The following ASTN2 variants were observed in gnomAD, a reference collection of about 807,000 sequenced individuals.
ASTN2 encodes astrotactin 2, also known as astrotactin-2.
Under a neutral mutation model 139.8 loss-of-function variants are expected in ASTN2, and 54 were observed. The ratio of observed to expected loss-of-function variants is 0.39; its 90% confidence interval spans 0.31 to 0.48. The LOEUF is 0.48. Among genes scored for constraint, ASTN2 ranks in the 20% least tolerant of loss-of-function variants. ASTN2 has a pLI of 0.95. For missense variants in ASTN2, 1,565 were observed against 1,725.1 expected, an observed-to-expected ratio of 0.91 and a Z score of 1.64; for synonymous variants, 756 against 719.5, an observed-to-expected ratio of 1.05 and a Z score of -0.81.
At chr9:116,723,287 G>A (rs1037573063) in intron 16 of ASTN2, among the ~76,000 whole-genome samples, 3 of 152,064 alleles carry the variant, frequency 2.0e-5, no homozygotes, top group African/African-American at 7.2e-5. Flanking sequence ...TACCTACTAT[G>A]TACCAGACAT....
intron 1 of ASTN2, among the ~76,000 whole-genome samples, chr9:117,314,893 A>C (rs913445932): frequency 1.4e-5 from 2 of 146,558 alleles, no homozygotes; most frequent in Admixed American, 1.4e-4. Flanking sequence ...TATTTATATA[A>C]ATATATTTTT....
intron 16 of ASTN2, among the ~76,000 whole-genome samples, chr9:116,684,721 C>T (rs1564204470): frequency 2.6e-5 from 4 of 152,182 alleles, no homozygotes; most frequent in African/African-American, 9.7e-5. Context: ...CCCCTGTCAG[C>T]AAGAAGAACC....
intron 1 of ASTN2, among the ~76,000 whole-genome samples, chr9:117,303,282 T>C (rs1834920431): frequency 6.6e-6 from 1 of 152,110 alleles, no homozygotes; most frequent in African/African-American, 2.4e-5. Context: ...GATACAAGAT[T>C]AAAATAGAAA....
chr9:116,643,661 T>C (rs1857450366), intron 17 of ASTN2, among the ~76,000 whole-genome samples: 1 of 152,204 alleles, frequency 6.6e-6, no homozygotes, highest in South Asian at 2.1e-4. Context: ...AGATAAAGCA[T>C]GTAAAGTCCT....
intron 2 of ASTN2, among the ~76,000 whole-genome samples, chr9:117,238,645 C>A (rs1340955363): frequency 6.6e-6 from 1 of 152,168 alleles, no homozygotes; most frequent in Non-Finnish European, 1.5e-5. Flanking sequence ...ATGGAGCAAC[C>A]TGGGGAGAAT....
At chr9:117,151,043 A>C (rs1366042354) in intron 3 of ASTN2, among the ~76,000 whole-genome samples, 1 of 152,008 alleles carries the variant, frequency 6.6e-6, no homozygotes, top group Non-Finnish European at 1.5e-5. Context: ...AACATTTTTA[A>C]AAAGAGATGG....
intron 3 of ASTN2, among the ~76,000 whole-genome samples, chr9:117,205,193 A>G (rs1335321248): frequency 6.6e-6 from 1 of 152,200 alleles, no homozygotes; most frequent in African/African-American, 2.4e-5. Context: ...TATTCAAAGC[A>G]TTCCAGAGCA....
intron 19 of ASTN2, among the ~76,000 whole-genome samples, chr9:116,567,781 T>A (rs10983236): frequency 3.3e-5 from 5 of 151,930 alleles, no homozygotes; most frequent in Non-Finnish European, 7.4e-5. Context: ...ATTGAATAAC[T>A]GCTAGTTATT....
chr9:116,725,201 C>T (rs1438325172), intron 16 of ASTN2, among the ~76,000 whole-genome samples: 1 of 152,056 alleles, frequency 6.6e-6, no homozygotes, highest in Non-Finnish European at 1.5e-5. Flanking sequence ...TCTCCAGCAC[C>T]TGGTCTGAGG....
At chr9:116,817,611 G>C (rs1398368588) in intron 12 of ASTN2, among the ~76,000 whole-genome samples, 1 of 152,200 alleles carries the variant, frequency 6.6e-6, no homozygotes, top group Non-Finnish European at 1.5e-5. Flanking sequence ...CTTTAGCCAT[G>C]TTAATGGAGG....
At chr9:116,838,965 G>C (rs1252278526) in intron 11 of ASTN2, among the ~76,000 whole-genome samples, 17 of 152,146 alleles carry the variant, frequency 1.1e-4, no homozygotes, top group Admixed American at 1.1e-3. Flanking sequence ...GACATCACAA[G>C]GATGCCTCCA....
In ASTN2 at chr9:116,923,352, TC is replaced by T. The variant is rs1289905841; in HGVS notation, c.1889+51855del. Reference sequence around the variant, plus strand: ...TTCTTCGCCCCCAGGTTTGGGTTGATCATGGTACCAGATGCTCCTTAACCCT... The same window carrying T: ...TTCTTCGCCCCCAGGTTTGGGTTGATATGGTACCAGATGCTCCTTAACCCT... On this transcript the variant is annotated intron_variant, in intron 10 of 22. Transcript: ENST00000313400. Among the ~76,000 whole-genome samples the T allele has an allele frequency of 6.6e-5, 10 of 152,302 alleles. No individual in the cohort carries two copies. In the South Asian group the frequency reaches 1.7e-3, roughly 25 times the overall value.
intron 11 of ASTN2, among the ~76,000 whole-genome samples, chr9:116,828,500 A>T (rs943854973): frequency 1.6e-4 from 25 of 152,172 alleles, no homozygotes; most frequent in African/African-American, 5.8e-4. Flanking sequence ...AAAAAAAAGC[A>T]TTCAATAAAA....
At chr9:116,457,107 C>T (rs1848355736) in intron 20 of ASTN2, among the ~76,000 whole-genome samples, 2 of 152,252 alleles carry the variant, frequency 1.3e-5, no homozygotes, top group South Asian at 2.1e-4. Flanking sequence ...GGGGAAGGAA[C>T]AGTCTCTTCA....
chr9:117,167,569 T>C (rs911788628), intron 3 of ASTN2, among the ~76,000 whole-genome samples: 7 of 152,028 alleles, frequency 4.6e-5, no homozygotes, highest in Admixed American at 1.3e-4. Context: ...TTTCTGGGAG[T>C]TGGAAATATT....
chr9:116,681,473 C>T (rs974629312), intron 16 of ASTN2, among the ~76,000 whole-genome samples: 7 of 152,098 alleles, frequency 4.6e-5, no homozygotes, highest in African/African-American at 1.7e-4. Flanking sequence ...AGATTCAATG[C>T]CATCCCCATC....
chr9:116,647,303 G>A (rs955123726), intron 17 of ASTN2, among the ~76,000 whole-genome samples: 3 of 152,022 alleles, frequency 2.0e-5, no homozygotes, highest in Admixed American at 6.6e-5. Context: ...CACTCTTCAG[G>A]GTATAACGCA....
In ASTN2 at chr9:117,103,846, T is replaced by C. The variant is rs183739171; in HGVS notation, c.1169-7695A>G. 3.9e-5 allele frequency among the ~76,000 whole-genome samples: 6 copies of C among 152,222 alleles called. No individual in the cohort carries two copies. In the East Asian group the frequency reaches 7.7e-4, roughly 20 times the overall value. On this transcript the variant is annotated intron_variant, in intron 4 of 22. Transcript: ENST00000313400. ...GTCATAGAAAAAGGACAGAAGTGGG[T>C]AAACTTCCCACACCCCCTATACCAC... is the stretch of plus-strand genomic sequence containing the variant.
intron 10 of ASTN2, among the ~76,000 whole-genome samples, chr9:116,906,061 C>G (rs1045030557): frequency 6.6e-5 from 10 of 151,964 alleles, no homozygotes; most frequent in African/African-American, 2.2e-4. Context: ...AGATTTCTGC[C>G]AAAGCCAGAG....
Sources: gnomAD v4.1 joint callset for allele counts (sites outside exome capture counted in the v4.1 genomes callset) on GRCh38, gnomAD v4.1.1 for gene constraint, MANE v1.5 for transcripts, NCBI Gene and HGNC (gene_info 2026-07-23, HGNC 2026-07-21) for gene names.